TMLHE: variants seen among roughly 807,000 people sequenced by gnomAD.
TMLHE encodes the protein trimethyllysine hydroxylase, epsilon.
Under a neutral mutation model 25.7 loss-of-function variants are expected in TMLHE, and 18 were observed. That is an observed-to-expected ratio of 0.70 (90% CI 0.48 to 1.04). The LOEUF is 1.04. Ranked by LOEUF, TMLHE falls within the 50% of genes least tolerant of loss-of-function variation. TMLHE has a pLI of 0.00. For synonymous variants in TMLHE, 105 were observed against 97.0 expected (o/e 1.08, Z -0.49); for missense variants, 236 against 259.0 (o/e 0.91, Z 0.61).
intron 2 of TMLHE, among the ~76,000 whole-genome samples, chrX:155,532,595 T>C (rs782191539): frequency 2.6e-4 from 29 of 110,674 alleles, no homozygotes; most frequent in African/African-American, 9.5e-4. Context: ...TACTCTGAAA[T>C]AGGGCTATTC....
Position 155,541,889 on chromosome X carries a change from G to A in TMLHE, c.181+3207C>T, listed in dbSNP as rs782296683. Among the ~76,000 whole-genome samples the A allele has an allele frequency of 1.1e-4, 12 of 109,847 alleles. No individual in the cohort carries two copies. The East Asian group carries it at 3.4e-3, about 31-fold the overall frequency. On this transcript the variant is annotated intron_variant, in intron 2 of 7. Coordinates refer to ENST00000334398, the MANE Select transcript of TMLHE (RefSeq NM_018196.4). Reference sequence around the variant, plus strand: ...TATCCTTTGCCCACTTTTTGATGGGGTTGTTTTTTTTTTCATGTAAATTTG... The same window carrying A: ...TATCCTTTGCCCACTTTTTGATGGGATTGTTTTTTTTTTCATGTAAATTTG...
chrX:155,553,011 G>A (rs1360290959), intron 1 of TMLHE, among the ~76,000 whole-genome samples: 1 of 110,535 alleles, frequency 9.0e-6, no homozygotes, highest in Non-Finnish European at 1.9e-5. Context: ...GAATTTTAGG[G>A]AGATTTTCTA....
At chrX:155,549,163 T>C (rs1338524395) in intron 1 of TMLHE, among the ~76,000 whole-genome samples, 2 of 111,444 alleles carry the variant, frequency 1.8e-5, no homozygotes, top group African/African-American at 3.3e-5. Flanking sequence ...CAGCATTTTC[T>C]ATATAAGGAA....
At position 155,545,193 on chromosome X, in the gene TMLHE, C is replaced by A. The variant is rs967512921; in HGVS notation, c.84G>T (p.Gln28His). 25 of 1,208,616 alleles carry A rather than the reference C, an allele frequency of 2.1e-5. No homozygotes were observed. Among genetic ancestry groups the A allele is most frequent in the Non-Finnish European group, 2.3e-5 (21 of 894,297 alleles). The change falls in exon 2 of 8, where the codon CAG becomes CAT. Residue 28 changes from glutamine to histidine, a missense_variant. Coordinates refer to ENST00000334398, the MANE Select transcript of TMLHE (RefSeq NM_018196.4). ...KGGVIYPALP[Q>H]PNFKSLLPLA... ...AAGGAAGTAAGCTTTTGAAGTTGGGCTGTGGAAGGGCCGGATATATGACTC... is the reference window on the plus strand; with the variant it reads ...AAGGAAGTAAGCTTTTGAAGTTGGGATGTGGAAGGGCCGGATATATGACTC...
chrX:155,611,576 G>T (rs1351762524), intron 1 of TMLHE: 1 of 111,310 alleles, frequency 9.0e-6, no homozygotes, highest in Non-Finnish European at 1.9e-5. Context: ...TAAAGAACTA[G>T]GTGGGGCACA....
At chrX:155,546,793 C>G (rs1479351030) in intron 1 of TMLHE, among the ~76,000 whole-genome samples, 3 of 111,469 alleles carry the variant, frequency 2.7e-5, no homozygotes, top group Non-Finnish European at 5.7e-5. Context: ...TCTTCACTGT[C>G]TCTTGTTTCC....
rs1213058782 is a variant in TMLHE, at chrX:155,548,495, G to T, written c.-1-3218C>A. Among the ~76,000 whole-genome samples, 11 of 108,295 alleles carry T rather than the reference G, an allele frequency of 1.0e-4. No homozygotes were observed. In the Admixed American group the frequency reaches 1.1e-3, roughly 10 times the overall value. 94.0% of individuals were successfully genotyped at this position (108,295 alleles called of 115,157 possible). ...TCATGCCTGAAATCCCAGCACTTTG[G>T]GAGGTCAAGGCGGGCGGATCACAAG... is the stretch of plus-strand genomic sequence containing the variant. On this transcript the variant is annotated intron_variant, in intron 1 of 7. Coordinates refer to ENST00000334398, the MANE Select transcript of TMLHE (RefSeq NM_018196.4).
intron 5 of TMLHE, among the ~76,000 whole-genome samples, chrX:155,510,508 G>T (rs1266361303): frequency 3.9e-5 from 4 of 102,401 alleles, no homozygotes; most frequent in Non-Finnish European, 5.9e-5. Context: ...TGTTTGGTTT[G>T]TTGTTCTTGT....
intron 1 of TMLHE, among the ~76,000 whole-genome samples, chrX:155,582,251 G>A (rs1557344642): frequency 8.9e-6 from 1 of 111,979 alleles, no homozygotes; most frequent in African/African-American, 3.2e-5. Context: ...TACCATTCAG[G>A]ACATAGGCAT....
intron 1 of TMLHE, among the ~76,000 whole-genome samples, chrX:155,608,640 A>G (rs2067801578): frequency 8.9e-6 from 1 of 112,343 alleles, no homozygotes; most frequent in Non-Finnish European, 1.9e-5. Flanking sequence ...ATGGGAGAAA[A>G]TATTTGCAAA....
chrX:155,513,275 C>T (rs1441782810), intron 4 of TMLHE, among the ~76,000 whole-genome samples: 3 of 111,297 alleles, frequency 2.7e-5, no homozygotes, highest in Non-Finnish European at 3.8e-5. Flanking sequence ...CCCAAAAGTG[C>T]GTAATGGTAA....
Position 155,587,261 on chromosome X carries a change from A to G in TMLHE, c.-2+25531T>C, listed in dbSNP as rs781919836. ...AACCCATCAACAGAATGAAGGACAAAAATTATATGGTCATCTTAATAGATG... is the reference window on the plus strand; with the variant it reads ...AACCCATCAACAGAATGAAGGACAAGAATTATATGGTCATCTTAATAGATG... On this transcript the variant is annotated intron_variant, in intron 1 of 7. Coordinates refer to ENST00000334398, the MANE Select transcript of TMLHE (RefSeq NM_018196.4). Among the ~76,000 whole-genome samples the G allele has an allele frequency of 3.6e-5, 4 of 112,241 alleles. No homozygotes were observed. The South Asian group carries it at 1.5e-3, about 41-fold the overall frequency.
intron 1 of TMLHE, among the ~76,000 whole-genome samples, chrX:155,547,214 G>T (rs980201694): frequency 1.1e-5 from 1 of 91,374 alleles, no homozygotes; most frequent in Non-Finnish European, 2.3e-5. Flanking sequence ...GCGCTATCTC[G>T]GCTCACTGCA....
In TMLHE at chrX:155,577,000, T is replaced by C. The variant is rs142018857; in HGVS notation, c.-1-31723A>G. ...AAAGCAATTGCAATGACAACAAAAA[T>C]TGACAAATGAGACCTAATTAAACTA... On this transcript the variant is annotated intron_variant, in intron 1 of 7. Transcript: ENST00000334398. Among the ~76,000 whole-genome samples, 773 of 111,570 alleles carry C rather than the reference T, an allele frequency of 6.9e-3. 6 individuals are homozygous for C. Among genetic ancestry groups the C allele is most frequent in the African/African-American group, 0.024 (734 of 30,680 alleles).
intron 3 of TMLHE, among the ~76,000 whole-genome samples, chrX:155,523,399 A>G (rs1027665656): frequency 4.5e-5 from 5 of 110,884 alleles, no homozygotes; most frequent in African/African-American, 1.6e-4. Context: ...TGGATGTCCA[A>G]TTGCTCTGGT....
At chrX:155,529,000 G>A (rs1326968718) in intron 2 of TMLHE, among the ~76,000 whole-genome samples, 2 of 112,034 alleles carry the variant, frequency 1.8e-5, no homozygotes, top group African/African-American at 6.5e-5. Flanking sequence ...TGAATAAACT[G>A]TGGTTTATCC....
At position 155,514,121 on chromosome X, in the gene TMLHE, T is replaced by C. The variant is rs782057215; in HGVS notation, c.503A>G (p.Gln168Arg). 1 of 1,211,409 alleles carries C rather than the reference T, an allele frequency of 8.3e-7. No homozygotes were observed. The highest frequency in any genetic ancestry group is 1.1e-6 in the Non-Finnish European group (1 of 895,272). ...QQAQVPSVDC[Q>R]SFLETNEGLK... ...TCCCTCGTTGGTTTCTAAGAAGCTC[T>C]GGCAATCTACCGATGGAACTTGGGC... Residue 168 changes from glutamine to arginine, a missense_variant, in exon 4 of 8, where the codon CAG becomes CGG. Physicochemically the swap from Gln to Arg is conservative, Grantham distance 43. Transcript: ENST00000334398.
chrX:155,569,356 G>A lies in TMLHE; in HGVS notation c.-1-24079C>T, dbSNP rs1314674428. Among the ~76,000 whole-genome samples the A allele has an allele frequency of 3.8e-4, 22 of 57,257 alleles. 2 individuals carry two copies. Among genetic ancestry groups the A allele is most frequent in the African/African-American group, 9.2e-4 (22 of 23,846 alleles). 49.7% of individuals were successfully genotyped at this position (57,257 alleles called of 115,157 possible). ...TATGTGAAAAGACCAAATCTACATC[G>A]TATTGGTATACCTGAAAGTGATGGG... On this transcript the variant is annotated intron_variant, in intron 1 of 7. Transcript: ENST00000334398.
At chrX:155,555,639 CA>C (rs2067447482) in intron 1 of TMLHE, among the ~76,000 whole-genome samples, 2 of 111,193 alleles carry the variant, frequency 1.8e-5, no homozygotes, top group African/African-American at 6.6e-5. Flanking sequence ...TGATGATGAG[CA>C]TTTTTTCATG....
Sources: gnomAD v4.1 joint callset for allele counts (sites outside exome capture counted in the v4.1 genomes callset) on GRCh38, gnomAD v4.1.1 for gene constraint, MANE v1.5 for transcripts, NCBI Gene and HGNC (gene_info 2026-07-23, HGNC 2026-07-21) for gene names.